Variants in PFKFB4 observed in about 807,000 individuals in gnomAD.
PFKFB4 encodes 6-phosphofructo-2-kinase/fructose-2,6-bisphosphatase 4.
A neutral mutation model predicts 62.8 loss-of-function variants in PFKFB4; 42 were observed. That is an observed-to-expected ratio of 0.67 (90% CI 0.52 to 0.86). The LOEUF (loss-of-function observed/expected upper bound fraction) is 0.86. Ranked by LOEUF, PFKFB4 falls within the 40% of genes least tolerant of loss-of-function variation. The pLI is 0.00. For missense variants in PFKFB4, 475 were observed against 627.2 expected, an observed-to-expected ratio of 0.76 and a Z score of 2.59; for synonymous variants, 204 against 240.7, an observed-to-expected ratio of 0.85 and a Z score of 1.41.
At chr3:48,531,624 A>G (rs1379276438) in intron 9 of PFKFB4, among the ~76,000 whole-genome samples, 1 of 150,434 alleles carries the variant, frequency 6.6e-6, no homozygotes, top group African/African-American at 2.5e-5. Flanking sequence ...CCCGGCCAAA[A>G]AAAAATTTTT....
intron 9 of PFKFB4, among the ~76,000 whole-genome samples, chr3:48,530,988 T>C (rs1003162856): frequency 1.3e-5 from 2 of 152,158 alleles, no homozygotes; most frequent in Admixed American, 1.3e-4. Context: ...ATTGCAGGCA[T>C]GAGCCACTGC....
In PFKFB4 at chr3:48,549,458, G is replaced by A. The variant is rs184199456; in HGVS notation, c.311+406C>T. 9.3e-3 allele frequency among the ~76,000 whole-genome samples: 1,409 copies of A among 152,158 alleles called. 10 individuals carry two copies. The highest frequency in any genetic ancestry group is 0.014 in the Non-Finnish European group (951 of 67,972). The stretch of plus-strand genomic sequence containing the variant: ...CTTCCCCAGCAGCAGCCATCCCCAC[G>A]GGGCGCTGGGGTGAGCGAGCGTGAC... On this transcript the variant is annotated intron_variant, in intron 3 of 13. Coordinates refer to ENST00000232375, the MANE Select transcript of PFKFB4 (RefSeq NM_004567.4).
At chr3:48,543,826 C>G (rs368159594) in intron 3 of PFKFB4, among the ~76,000 whole-genome samples, 180 bp from the exon 4 acceptor site, 1 of 152,178 alleles carries the variant, frequency 6.6e-6, no homozygotes, top group Non-Finnish European at 1.5e-5. Context: ...GCTAACTCTG[C>G]TCCTGTGAGG....
Position 48,556,592 on chromosome 3 carries a change from C to T in PFKFB4, c.97+89G>A. On this transcript the variant is annotated intron_variant, in intron 1 of 13. Coordinates refer to ENST00000232375, the MANE Select transcript of PFKFB4 (RefSeq NM_004567.4). This position sits in a 1 kb window ranked among gnomAD's most constrained non-coding sequence, Gnocchi z 5.7. ...TCCCCGGTTCCCCATCTGTCTCCCG[C>T]CCCTTCTCCATGCGAGACCCCCGCC... The T allele has an allele frequency of 9.1e-6, 13 of 1,425,234 alleles. No homozygotes were observed. Among genetic ancestry groups the T allele is most frequent in the Non-Finnish European group, 1.2e-5 (13 of 1,055,750 alleles). 88.3% of individuals were successfully genotyped at this position (1,425,234 alleles called of 1,614,324 possible). A position where few individuals can be genotyped will look rare whatever the true frequency, so the allele number is the denominator to read the frequency against.
chr3:48,561,144 C>A (rs573852231), upstream of PFKFB4: 199 of 1,244,524 alleles, frequency 1.6e-4, 1 homozygote, highest in South Asian at 2.4e-3. This position sits in a 1 kb window ranked among gnomAD's most constrained non-coding sequence, Gnocchi z 5.2. Flanking sequence ...AGGGCCACTG[C>A]CCCCTGCAGC....
At chr3:48,537,018 G>C (rs1275515282) in intron 7 of PFKFB4, among the ~76,000 whole-genome samples, 1 of 152,214 alleles carries the variant, frequency 6.6e-6, no homozygotes, top group African/African-American at 2.4e-5. Context: ...CTGGGCAGCT[G>C]GTGGATGAGA....
In PFKFB4 at chr3:48,522,040, C is replaced by T; in HGVS notation, c.1296G>A (p.Val432=). 6.2e-7 allele frequency: 1 copy of T among 1,614,148 alleles called. No homozygotes were observed. The highest frequency in any genetic ancestry group is 8.5e-7 in the Non-Finnish European group (1 of 1,179,980). ...CAGCCACGTTCAGGAATATGGACTCCACTTTACAACCTGCCAAAGGGAAGA... is the reference window on the plus strand; with the variant it reads ...CAGCCACGTTCAGGAATATGGACTCTACTTTACAACCTGCCAAAGGGAAGA... ...KLTPVAYGCK[V]ESIFLNVAAV... is the part of the protein sequence containing the mutation. Residue 432 remains valine (V), a synonymous_variant, in exon 13 of 14, where the codon GTG becomes GTA. Coordinates refer to ENST00000232375, the MANE Select transcript of PFKFB4 (RefSeq NM_004567.4).
chr3:48,531,025 G>C (rs2042410371), intron 9 of PFKFB4, among the ~76,000 whole-genome samples: 1 of 151,258 alleles, frequency 6.6e-6, no homozygotes, highest in Non-Finnish European at 1.5e-5. Flanking sequence ...TTATTCTAAA[G>C]AAAATGATAC....
intron 1 of PFKFB4, among the ~76,000 whole-genome samples, chr3:48,555,385 A>G (rs1179888196): frequency 6.6e-6 from 1 of 152,178 alleles, no homozygotes; most frequent in Non-Finnish European, 1.5e-5. Context: ...GATCAAAGCC[A>G]TGGCTCCAGG....
intron 9 of PFKFB4, 53 bp from the exon 10 acceptor site, chr3:48,525,722 T>G (rs1034645992): frequency 5.5e-6 from 5 of 903,938 alleles, no homozygotes; most frequent in Non-Finnish European, 8.5e-6. Context: ...AGATGAGCCT[T>G]GGGGACATGT....
At chr3:48,556,940 A>C, upstream of PFKFB4, 21 of 1,397,476 alleles carry the variant, frequency 1.5e-5, 1 homozygote, top group Non-Finnish European at 1.9e-5. This position sits in a 1 kb window ranked among gnomAD's most constrained non-coding sequence, Gnocchi z 5.7. Context: ...GCTCCGCCCC[A>C]GCTGAAAGGG....
At chr3:48,531,834 C>CA (rs1017103654) in intron 9 of PFKFB4, among the ~76,000 whole-genome samples, 1 of 151,776 alleles carries the variant, frequency 6.6e-6, no homozygotes, top group Non-Finnish European at 1.5e-5. Flanking sequence ...GCAGGAATAA[C>CA]AAATCAAAAC....
upstream of PFKFB4, among the ~76,000 whole-genome samples, chr3:48,560,171 A>G (rs2043410616): frequency 6.6e-6 from 1 of 152,154 alleles, no homozygotes; most frequent in Non-Finnish European, 1.5e-5. Context: ...ACACAGAGAC[A>G]CTGGCACAGC....
At position 48,550,104 on chromosome 3, in the gene PFKFB4, G is replaced by C. The variant is rs572496280; in HGVS notation, c.214+14C>G. The C allele has an allele frequency of 6.3e-7, 1 of 1,576,266 alleles. No homozygotes were observed. The highest frequency in any genetic ancestry group is 1.1e-5 in the South Asian group (1 of 90,222). On this transcript the variant is annotated intron_variant, in intron 2 of 13. Transcript: ENST00000232375. ...CCACAAAGCTCCCCTTAGACAGCTG[G>C]GGCCAAGCCTCACCCCGAGTGGGCA... is the stretch of plus-strand genomic sequence containing the variant.
chr3:48,557,841 G>A (rs1255973340), upstream of PFKFB4, among the ~76,000 whole-genome samples: 1 of 152,186 alleles, frequency 6.6e-6, no homozygotes, highest in African/African-American at 2.4e-5. Flanking sequence ...CCGGCCGTGC[G>A]TGGCACTTAG....
intron 4 of PFKFB4, among the ~76,000 whole-genome samples, chr3:48,543,265 A>G (rs568329395): frequency 3.5e-4 from 54 of 152,332 alleles, no homozygotes; most frequent in Admixed American, 2.7e-3. Context: ...CCACACCAGG[A>G]GAAATCACAT....
rs2042090883 is a variant in PFKFB4, at chr3:48,521,426, G to A, written c.1350+560C>T. Among the ~76,000 whole-genome samples the A allele has an allele frequency of 6.6e-6, 1 of 152,314 alleles. No homozygotes were observed. Among genetic ancestry groups the A allele is most frequent in the Non-Finnish European group, 1.5e-5 (1 of 68,014 alleles). On this transcript the variant is annotated intron_variant, in intron 13 of 13. Transcript: ENST00000232375. The surrounding 1 kb of genome is among the most constrained non-coding windows in gnomAD (Gnocchi z 5.3). Reference sequence around the variant, plus strand: ...CACTTGGGGAGCACAGGTGGTGACTGCTTTTCTGGACCAAGGTCTCCACCC... The same window carrying A: ...CACTTGGGGAGCACAGGTGGTGACTACTTTTCTGGACCAAGGTCTCCACCC...
intron 13 of PFKFB4, 26 bp from the exon 14 acceptor site, chr3:48,519,832 C>T (rs765553442): frequency 4.4e-6 from 7 of 1,594,118 alleles, no homozygotes; most frequent in South Asian, 2.2e-5. Flanking sequence ...ACAGAGCGTT[C>T]ACTCCATGGC....
At chr3:48,537,375 A>T (rs2042653540) in intron 7 of PFKFB4, among the ~76,000 whole-genome samples, 1 of 152,142 alleles carries the variant, frequency 6.6e-6, no homozygotes, top group African/African-American at 2.4e-5. Context: ...CATGAAAGCC[A>T]TAGAGAGGCC....
Sources: gnomAD v4.1 joint callset for allele counts (sites outside exome capture counted in the v4.1 genomes callset) on GRCh38, gnomAD v4.1.1 for gene constraint, Gnocchi (gnomAD v3.1) non-coding constraint, MANE v1.5 for transcripts, NCBI Gene and HGNC (gene_info 2026-07-23, HGNC 2026-07-21) for gene names.